SGCZ: variants seen among roughly 807,000 people sequenced by gnomAD.
SGCZ encodes the protein zeta-sarcoglycan.
In SGCZ, 40 loss-of-function variants were observed where a neutral mutation model predicts 41.3. The ratio of observed to expected loss-of-function variants is 0.97; its 90% confidence interval spans 0.75 to 1.26. The LOEUF is 1.26. Ranked by LOEUF, SGCZ falls within the 50% of genes most tolerant of loss-of-function variation. The pLI is 0.00. For missense variants in SGCZ, 552 were observed against 369.8 expected, an observed-to-expected ratio of 1.49 and a Z score of -4.04; for synonymous variants, 206 against 137.5, an observed-to-expected ratio of 1.50 and a Z score of -3.49.
chr8:15,045,024 C>T (rs1804249375), intron 1 of SGCZ, among the ~76,000 whole-genome samples: 2 of 151,976 alleles, frequency 1.3e-5, no homozygotes, highest in African/African-American at 4.8e-5. Flanking sequence ...ATGCTGAATG[C>T]ATATTTTGGA....
intron 3 of SGCZ, among the ~76,000 whole-genome samples, chr8:14,250,456 C>T (rs1343333970): frequency 1.3e-5 from 2 of 152,050 alleles, no homozygotes; most frequent in Admixed American, 6.6e-5. Flanking sequence ...ACCATACCTC[C>T]ATGTTATAAT....
At chr8:14,199,633 C>T (rs546058541) in intron 4 of SGCZ, among the ~76,000 whole-genome samples, 12 of 152,098 alleles carry the variant, frequency 7.9e-5, no homozygotes, top group South Asian at 2.1e-4. Context: ...CCCCCGGACA[C>T]GCAGCTTTAA....
At chr8:14,360,479 C>T (rs2117129713) in intron 2 of SGCZ, among the ~76,000 whole-genome samples, 1 of 152,124 alleles carries the variant, frequency 6.6e-6, no homozygotes, top group East Asian at 1.9e-4. Context: ...GCACGCATCA[C>T]CACACCCAGC....
chr8:14,260,034 T>G (rs1356595745), intron 3 of SGCZ, among the ~76,000 whole-genome samples: 4 of 152,138 alleles, frequency 2.6e-5, no homozygotes, highest in African/African-American at 9.7e-5. Context: ...TTCACATCCC[T>G]TGTAAGTTGG....
intron 1 of SGCZ, among the ~76,000 whole-genome samples, chr8:15,057,897 T>A (rs1364014532): frequency 6.6e-6 from 1 of 152,184 alleles, no homozygotes; most frequent in African/African-American, 2.4e-5. Flanking sequence ...GTGAATCTCA[T>A]CACCTAATCT....
chr8:14,555,344 G>C (rs900298645), intron 1 of SGCZ, among the ~76,000 whole-genome samples: 9 of 151,992 alleles, frequency 5.9e-5, no homozygotes, highest in African/African-American at 9.7e-5. Flanking sequence ...CCTGGCGAAA[G>C]GTGATGAGAT....
At chr8:14,998,700 G>C (rs1034205438) in intron 1 of SGCZ, among the ~76,000 whole-genome samples, 1 of 152,192 alleles carries the variant, frequency 6.6e-6, no homozygotes, top group Non-Finnish European at 1.5e-5. Context: ...ATTCTTATCA[G>C]AGTTTGGTCC....
At chr8:14,816,092 AC>A (rs1412606195) in intron 1 of SGCZ, among the ~76,000 whole-genome samples, 1 of 152,254 alleles carries the variant, frequency 6.6e-6, no homozygotes, top group Non-Finnish European at 1.5e-5. Context: ...AACCATTTCA[AC>A]ATGCAATTGG....
intron 1 of SGCZ, among the ~76,000 whole-genome samples, chr8:15,164,221 G>A (rs540603934): frequency 1.3e-5 from 2 of 152,336 alleles, no homozygotes; most frequent in East Asian, 3.9e-4. Flanking sequence ...GGGGGCTTGA[G>A]AAGTGGTGAG....
At chr8:15,090,167 AG>A (rs1172391453) in intron 1 of SGCZ, among the ~76,000 whole-genome samples, 1 of 152,180 alleles carries the variant, frequency 6.6e-6, no homozygotes, top group Non-Finnish European at 1.5e-5. Context: ...TCATAGACAA[AG>A]GTCATGACAT....
chr8:15,138,836 G>A (rs1268423288), intron 1 of SGCZ, among the ~76,000 whole-genome samples: 2 of 152,136 alleles, frequency 1.3e-5, no homozygotes, highest in African/African-American at 4.8e-5. Flanking sequence ...ATGTGGCTCA[G>A]GACGGAGAAC....
chr8:14,127,730 A>G (rs1473372609), intron 5 of SGCZ, among the ~76,000 whole-genome samples: 1 of 152,192 alleles, frequency 6.6e-6, no homozygotes, highest in African/African-American at 2.4e-5. Context: ...TGCTGGGATT[A>G]CATGCATGAG....
chr8:14,617,684 G>A (rs73664409), intron 1 of SGCZ, among the ~76,000 whole-genome samples: 4,268 of 152,180 alleles, frequency 0.028, 198 homozygotes, highest in African/African-American at 0.095. Context: ...TAGCTGAGAC[G>A]TCAAGAAAGA....
intron 1 of SGCZ, among the ~76,000 whole-genome samples, chr8:14,622,725 T>A (rs1283638927): frequency 6.6e-6 from 1 of 152,182 alleles, no homozygotes; most frequent in African/African-American, 2.4e-5. Flanking sequence ...TAAGTGAGAA[T>A]GGTGTAAAAA....
chr8:14,240,954 T>C (rs923369440), intron 3 of SGCZ, among the ~76,000 whole-genome samples: 19 of 152,316 alleles, frequency 1.2e-4, no homozygotes, highest in Non-Finnish European at 2.4e-4. Flanking sequence ...AAGCAATTCA[T>C]AAATCTGATC....
intron 3 of SGCZ, among the ~76,000 whole-genome samples, chr8:14,269,330 G>A (rs111308785): frequency 1.3e-5 from 2 of 152,076 alleles, no homozygotes; most frequent in African/African-American, 4.8e-5. Flanking sequence ...TATATTAGAA[G>A]CAGTGCTAAT....
chr8:14,856,885 T>C (rs1393024130), intron 1 of SGCZ, among the ~76,000 whole-genome samples: 1 of 152,082 alleles, frequency 6.6e-6, no homozygotes, highest in Non-Finnish European at 1.5e-5. Flanking sequence ...CCCATACACA[T>C]ATCTAAGACT....
chr8:14,853,432 C>T, intron 1 of SGCZ: 1 of 532,168 alleles, frequency 1.9e-6, no homozygotes. Flanking sequence ...AAGGCTAGGA[C>T]ACTTGCTCTT....
intron 1 of SGCZ, among the ~76,000 whole-genome samples, chr8:15,158,937 G>A (rs73529333): frequency 0.043 from 6,502 of 152,224 alleles, 337 homozygotes; most frequent in African/African-American, 0.13. Flanking sequence ...TCTTCAACCT[G>A]TTTCCTGATA....
Sources: allele counts gnomAD v4.1 joint callset (sites outside exome capture counted in the v4.1 genomes callset), GRCh38; gene constraint gnomAD v4.1.1; transcripts MANE v1.5; gene names NCBI Gene and HGNC (gene_info 2026-07-23, HGNC 2026-07-21).